Variants in SPOCK3 observed in about 807,000 individuals in gnomAD.
SPOCK3 encodes the protein SPARC (osteonectin), cwcv and kazal like domains proteoglycan 3, also known as testican-3.
Under a neutral mutation model 56.6 loss-of-function variants are expected in SPOCK3, and 30 were observed. That is an observed-to-expected ratio of 0.53 (90% CI 0.40 to 0.72). SPOCK3 has a LOEUF of 0.72. Ranked by LOEUF, SPOCK3 falls within the 30% of genes least tolerant of loss-of-function variation. The probability of loss-of-function intolerance (pLI) is 0.00; values close to 1 mark genes in which losing one functional copy is unlikely to be tolerated. For missense variants in SPOCK3, 527 were observed against 530.0 expected, an observed-to-expected ratio of 0.99 and a Z score of 0.06; for synonymous variants, 196 against 183.3, an observed-to-expected ratio of 1.07 and a Z score of -0.56.
intron 4 of SPOCK3, among the ~76,000 whole-genome samples, chr4:166,938,955 C>CCACACACACACACA (rs59234659): frequency 5.9e-4 from 87 of 148,432 alleles, no homozygotes; most frequent in African/African-American, 2.1e-3. Context: ...CATACACACA[C>CCACACACACACACA]CACACACACA....
At chr4:167,049,400 C>T (rs183346355) in intron 3 of SPOCK3, among the ~76,000 whole-genome samples, 5 of 152,208 alleles carry the variant, frequency 3.3e-5, no homozygotes, top group South Asian at 2.1e-4. Context: ...GTTGATTACA[C>T]GTGGAACTTT....
chr4:167,029,641 T>C (rs1393461871), intron 3 of SPOCK3, among the ~76,000 whole-genome samples: 2 of 152,120 alleles, frequency 1.3e-5, no homozygotes, highest in Non-Finnish European at 2.9e-5. Context: ...GTAAGATACA[T>C]GCTGCAGGCA....
chr4:167,090,683 A>G (rs1040646026), intron 2 of SPOCK3, among the ~76,000 whole-genome samples: 11 of 151,934 alleles, frequency 7.2e-5, no homozygotes, highest in Non-Finnish European at 1.5e-4. Context: ...TTGTATTTTT[A>G]GTAGAGATGG....
intron 4 of SPOCK3, among the ~76,000 whole-genome samples, chr4:166,992,308 C>G (rs866796480): frequency 6.6e-6 from 1 of 151,922 alleles, no homozygotes; most frequent in Non-Finnish European, 1.5e-5. Flanking sequence ...TTTTCATAAG[C>G]GTTAAATTTT....
At chr4:166,823,502 T>C (rs1282236105) in intron 6 of SPOCK3, among the ~76,000 whole-genome samples, 2 of 152,122 alleles carry the variant, frequency 1.3e-5, no homozygotes, top group African/African-American at 4.8e-5. Flanking sequence ...TAAGTCATTT[T>C]ATAATTTCTG....
intron 2 of SPOCK3, among the ~76,000 whole-genome samples, chr4:167,212,167 C>T (rs1386156394): frequency 2.0e-5 from 3 of 152,102 alleles, no homozygotes; most frequent in Non-Finnish European, 4.4e-5. Flanking sequence ...CAAGGCACTA[C>T]ACTCTGTGTT....
chr4:167,215,954 G>C lies in SPOCK3; in HGVS notation c.189+18031C>G, dbSNP rs567600061. Among the ~76,000 whole-genome samples the C allele has an allele frequency of 2.6e-5, 4 of 152,218 alleles. No individual in the cohort carries two copies. In the South Asian group the frequency reaches 8.3e-4, roughly 32 times the overall value. ...CTGCATTAAAATCAGAAATTTGCTG[G>C]GTGAGCATGGAATTGAAGAAAGGAA... On this transcript the variant is annotated intron_variant, in intron 2 of 10. Coordinates refer to ENST00000357545, the MANE Select transcript of SPOCK3 (RefSeq NM_001040159.2).
At chr4:167,163,281 A>T (rs1765484197) in intron 2 of SPOCK3, among the ~76,000 whole-genome samples, 1 of 150,868 alleles carries the variant, frequency 6.6e-6, no homozygotes, top group Non-Finnish European at 1.5e-5. Context: ...TATTTTTTAC[A>T]TGAAAATTTT....
At chr4:166,869,669 C>G (rs1325649484) in intron 6 of SPOCK3, among the ~76,000 whole-genome samples, 1 of 150,680 alleles carries the variant, frequency 6.6e-6, no homozygotes, top group Non-Finnish European at 1.5e-5. Flanking sequence ...AGTTTTACCT[C>G]CAACATGTAA....
intron 4 of SPOCK3, among the ~76,000 whole-genome samples, chr4:166,967,253 C>T (rs922433032): frequency 5.9e-5 from 9 of 152,138 alleles, no homozygotes; most frequent in African/African-American, 9.7e-5. Context: ...ATCTGATTCC[C>T]TCTAACTCAA....
chr4:166,995,240 T>C lies in SPOCK3; in HGVS notation c.350+5109A>G, dbSNP rs552793189. On this transcript the variant is annotated intron_variant, in intron 4 of 10. Coordinates refer to ENST00000357545, the MANE Select transcript of SPOCK3 (RefSeq NM_001040159.2). ...AATGAATTACACACATATATGCATG[T>C]ATGTATGTATGTGTGTGTGTGTGCA... Among the ~76,000 whole-genome samples the C allele has an allele frequency of 5.0e-5, 4 of 80,010 alleles. No individual in the cohort carries two copies. The East Asian group carries it at 2.7e-3, about 54-fold the overall frequency. 52.5% of individuals were successfully genotyped at this position (80,010 alleles called of 152,430 possible).
Position 166,840,771 on chromosome 4 carries a change from G to GTTTTTTTTTTT in SPOCK3, c.589+48348_589+48358dup, listed in dbSNP as rs70955697. On this transcript the variant is annotated intron_variant, in intron 6 of 10. Coordinates refer to ENST00000357545, the MANE Select transcript of SPOCK3 (RefSeq NM_001040159.2). ...CTAATTCATCTTCCCAGAAGCAAAA[G>GTTTTTTTTTTT]TTTTTTTTTTTTTTTTTTTTTTTTT... Among the ~76,000 whole-genome samples, 135 of 68,180 alleles carry GTTTTTTTTTTT rather than the reference G, an allele frequency of 2.0e-3. 14 individuals are homozygous for GTTTTTTTTTTT. The highest frequency in any genetic ancestry group is 2.8e-3 in the Non-Finnish European group (103 of 37,030). 44.7% of individuals were successfully genotyped at this position (68,180 alleles called of 152,430 possible).
intron 3 of SPOCK3, among the ~76,000 whole-genome samples, chr4:167,039,053 G>T (rs1238840644): frequency 6.6e-6 from 1 of 152,164 alleles, no homozygotes; most frequent in African/African-American, 2.4e-5. Flanking sequence ...AATCAGCAGT[G>T]CTGGGTCCTT....
At chr4:166,895,443 T>TAA (rs56955240) in intron 5 of SPOCK3, among the ~76,000 whole-genome samples, 11,750 of 150,538 alleles carry the variant, frequency 0.078, 529 homozygotes, top group Non-Finnish European at 0.1. Context: ...GGATGCATTG[T>TAA]AAAAAAAGAA....
At chr4:166,935,791 T>C (rs946666878) in intron 4 of SPOCK3, among the ~76,000 whole-genome samples, 38 of 152,304 alleles carry the variant, frequency 2.5e-4, no homozygotes, top group African/African-American at 8.9e-4. Flanking sequence ...AGGCAAGACA[T>C]GACGGTGGTC....
intron 4 of SPOCK3, among the ~76,000 whole-genome samples, chr4:166,924,086 G>A (rs1579664162): frequency 6.6e-6 from 1 of 152,140 alleles, no homozygotes; most frequent in East Asian, 1.9e-4. Context: ...ATCCAAGGTT[G>A]ACATTAGCTT....
rs145933534 is a variant in SPOCK3, at chr4:166,898,129, T to C, written c.475-8885A>G. ...GCAGGAGGATCACTGAGCCCCGGAA[T>C]TCCAGGCTGCAGTGGCCTGTGATTG... On this transcript the variant is annotated intron_variant, in intron 5 of 10. Transcript: ENST00000357545. Among the ~76,000 whole-genome samples the C allele has an allele frequency of 7.6e-3, 1,163 of 152,204 alleles. 13 individuals are homozygous for C. Among genetic ancestry groups the C allele is most frequent in the African/African-American group, 0.026 (1,081 of 41,552 alleles).
chr4:166,820,777 T>A (rs1744852633), intron 6 of SPOCK3, among the ~76,000 whole-genome samples: 1 of 151,784 alleles, frequency 6.6e-6, no homozygotes, highest in African/African-American at 2.4e-5. Flanking sequence ...GGAGTAGAGA[T>A]CATGCCACTC....
At chr4:167,209,102 A>AAGGGC (rs911364616) in intron 2 of SPOCK3, among the ~76,000 whole-genome samples, 33 of 152,220 alleles carry the variant, frequency 2.2e-4, no homozygotes, top group Admixed American at 1.4e-3. Context: ...CTAAAGACAG[A>AAGGGC]AGGGCATCTG....
Sources: gnomAD v4.1 joint callset for allele counts (sites outside exome capture counted in the v4.1 genomes callset) on GRCh38, gnomAD v4.1.1 for gene constraint, MANE v1.5 for transcripts, NCBI Gene and HGNC (gene_info 2026-07-23, HGNC 2026-07-21) for gene names.